EXD2: variants seen among roughly 807,000 people sequenced by gnomAD.
EXD2 encodes exonuclease 3'-5' domain-containing protein 2.
In EXD2, 40 loss-of-function variants were observed where a neutral mutation model predicts 62.5. That is an observed-to-expected ratio of 0.64 (90% CI 0.50 to 0.83). The LOEUF (loss-of-function observed/expected upper bound fraction) is 0.83, where lower values mean the gene tolerates loss of function less well. Among genes scored for constraint, EXD2 ranks in the 40% least tolerant of loss-of-function variants. The pLI, the probability that EXD2 is intolerant of heterozygous loss-of-function variation, is 0.00. For synonymous variants in EXD2, 239 were observed against 291.9 expected (o/e 0.82, Z 1.85); for missense variants, 671 against 761.8 (o/e 0.88, Z 1.40).
chr14:69,216,618 C>G (rs921622771), intron 3 of EXD2, among the ~76,000 whole-genome samples: 1 of 151,966 alleles, frequency 6.6e-6, no homozygotes, highest in African/African-American at 2.4e-5. Flanking sequence ...GTTTTAGAAT[C>G]AATTTTCAGG....
At chr14:69,214,973 T>G (rs1399951228) in intron 3 of EXD2, among the ~76,000 whole-genome samples, 3 of 151,100 alleles carry the variant, frequency 2.0e-5, no homozygotes, top group African/African-American at 7.3e-5. Flanking sequence ...TGATGGACAT[T>G]TATATATATA....
Position 69,211,927 on chromosome 14 carries a change from A to G in EXD2, c.333+2124A>G, listed in dbSNP as rs114680670. On this transcript the variant is annotated intron_variant, in intron 3 of 9. Coordinates refer to ENST00000685843, the MANE Select transcript of EXD2 (RefSeq NM_001193360.2). ...AATAATCTAACCCCACCTCATTTTG[A>G]CTTTTGATGTGTATTAAACTCAGGT... 9.5e-3 allele frequency among the ~76,000 whole-genome samples: 1,449 copies of G among 152,272 alleles called. 25 individuals are homozygous for G. The highest frequency in any genetic ancestry group is 0.033 in the African/African-American group (1,390 of 41,542).
intron 1 of EXD2, among the ~76,000 whole-genome samples, chr14:69,199,009 T>C (rs1474235114): frequency 6.6e-6 from 1 of 152,234 alleles, no homozygotes; most frequent in Non-Finnish European, 1.5e-5. Context: ...TTTGGGAGGC[T>C]GAGGCGGGCA....
intron 4 of EXD2, 89 bp downstream of exon 4, chr14:69,229,161 C>A: frequency 1.3e-6 from 2 of 1,517,936 alleles, no homozygotes; most frequent in Non-Finnish European, 1.8e-6. Flanking sequence ...AATAGTGAGA[C>A]ATGTGAAATT....
intron 4 of EXD2, among the ~76,000 whole-genome samples, chr14:69,229,525 G>A (rs1156403352): frequency 6.6e-6 from 1 of 152,158 alleles, no homozygotes; most frequent in Non-Finnish European, 1.5e-5. Context: ...CTTTAGATGA[G>A]CGTGCTCTGT....
At position 69,237,691 on chromosome 14, in the gene EXD2, A is replaced by G. The variant is rs1566842789; in HGVS notation, c.1409A>G (p.Asp470Gly). Residue 470 changes from aspartate (D) to glycine (G), a missense_variant, in exon 9 of 10, where the codon GAC (aspartate) becomes GGC (glycine). By Grantham distance (94) the Asp-to-Gly change is moderately conservative. Transcript: ENST00000685843. ...TSCHAISNYY[D>G]NHLKQQLAKE... ...TGCCATGCCATTTCCAACTACTATG[A>G]CAACCATCTGAAGCAGCAGCTGGCC... 2 of 1,614,074 alleles carry G rather than the reference A, an allele frequency of 1.2e-6. No homozygotes were observed. The highest frequency in any genetic ancestry group is 1.7e-6 in the Non-Finnish European group (2 of 1,180,042).
At chr14:69,209,841 A>AC in intron 3 of EXD2, 38 bp downstream of exon 3, 1 of 1,379,736 alleles carries the variant, frequency 7.2e-7, no homozygotes, top group Non-Finnish European at 9.6e-7. Flanking sequence ...AAAAAAAAAA[A>AC]ACAACTTCTG....
intron 9 of EXD2, 30 bp downstream of exon 9, chr14:69,237,961 C>A: frequency 2.0e-6 from 3 of 1,516,700 alleles, no homozygotes; most frequent in South Asian, 1.3e-5. Context: ...TGGAATGTAC[C>A]AGGGACATTA....
rs904385756 is a variant in EXD2, at chr14:69,215,341, A to C, written c.333+5538A>C. Among the ~76,000 whole-genome samples, 4 of 139,208 alleles carry C rather than the reference A, an allele frequency of 2.9e-5. No individual in the cohort carries two copies. In the East Asian group the frequency reaches 8.0e-4, roughly 28 times the overall value. The allele number at this position is 139,208 out of a possible 152,430, so 91.3% of individuals were successfully genotyped here. On this transcript the variant is annotated intron_variant, in intron 3 of 9. Transcript: ENST00000685843. ...GTGTGTGTGTGTGTGTGTATAATAC[A>C]ATATATCATTTACATTTGGGGGCTC...
intron 1 of EXD2, among the ~76,000 whole-genome samples, chr14:69,196,476 T>C (rs1265792472): frequency 1.3e-5 from 2 of 152,218 alleles, no homozygotes; most frequent in South Asian, 2.1e-4. Flanking sequence ...AGTACGGACA[T>C]GTGTTTTCAT....
At chr14:69,205,417 AATTC>A (rs1407808207) in intron 2 of EXD2, among the ~76,000 whole-genome samples, 1 of 151,698 alleles carries the variant, frequency 6.6e-6, no homozygotes, top group Admixed American at 6.6e-5. Context: ...TTTTTTCTTC[AATTC>A]ATTAACTCTT....
rs1594784411 is a variant in EXD2, at chr14:69,237,494, A to ACCCCAGTAGCCTGTCTGCTGTCTT, written c.1293-77_1293-54dup. On this transcript the variant is annotated intron_variant, in intron 8 of 9. Coordinates refer to ENST00000685843, the MANE Select transcript of EXD2 (RefSeq NM_001193360.2). ...CAGTCATGGTTAGGCCCCAGTTAGA[A>ACCCCAGTAGCCTGTCTGCTGTCTT]CCCCAGTAGCCTGTCTGCTGTCTTC... 3.8e-6 allele frequency: 5 copies of ACCCCAGTAGCCTGTCTGCTGTCTT among 1,329,122 alleles called. No homozygotes were observed. In the East Asian group the frequency reaches 1.1e-4, roughly 31 times the overall value. The allele number at this position is 1,329,122 out of a possible 1,614,324, so 82.3% of individuals were successfully genotyped here.
chr14:69,235,800 CCCTAATGT>C (rs1282406617), intron 6 of EXD2: 2 of 500,580 alleles, frequency 4.0e-6, no homozygotes, highest in Non-Finnish European at 7.3e-6. Context: ...TTGACACACT[CCCTAATGT>C]CCTAGTCCAT....
chr14:69,209,478 G>A lies in EXD2; in HGVS notation c.8G>A (p.Arg3Lys). 6.5e-7 allele frequency: 1 copy of A among 1,533,798 alleles called. No homozygotes were observed. The highest frequency in any genetic ancestry group is 2.5e-5 in the East Asian group (1 of 40,764). ...AGAGTAGAAAAGTCGAAGATGTCTA[G>A]ACAGAACTTAGTGGCTTTGACAGTG... MS[R>K]QNLVALTVTT... is the part of the protein sequence containing the mutation. Residue 3 changes from arginine (R) to lysine (K), a missense_variant, in exon 3 of 10, where the codon AGA becomes AAA. Physicochemically the swap from Arg to Lys is conservative, Grantham distance 26. Transcript: ENST00000685843.
At position 69,241,358 on chromosome 14, in the gene EXD2, A is replaced by G; in HGVS notation, c.*258A>G. 2 of 424,358 alleles carry G rather than the reference A, an allele frequency of 4.7e-6. No individual in the cohort carries two copies. Among genetic ancestry groups the G allele is most frequent in the South Asian group, 9.4e-5 (2 of 21,316 alleles). The allele number at this position is 424,358 out of a possible 1,614,324, so 26.3% of individuals were successfully genotyped here. ...AAGAGAGGCCTTCGCCTTTATTTTTACTCTCCCTCTTCTGCTGTCCCTGTG... is the reference window on the plus strand; with the variant it reads ...AAGAGAGGCCTTCGCCTTTATTTTTGCTCTCCCTCTTCTGCTGTCCCTGTG... On this transcript the variant is annotated 3_prime_UTR_variant, in exon 10 of 10. Transcript: ENST00000685843.
chr14:69,240,753 C>G (rs747384532), intron 9 of EXD2, 131 bp from the exon 10 acceptor site: 11 of 686,828 alleles, frequency 1.6e-5, no homozygotes, highest in Non-Finnish European at 2.7e-5. Flanking sequence ...GTTTCGAAAA[C>G]ACCAAAGTAA....
intron 3 of EXD2, among the ~76,000 whole-genome samples, chr14:69,224,646 TTG>T (rs1377761871): frequency 6.6e-6 from 1 of 152,160 alleles, no homozygotes; most frequent in East Asian, 1.9e-4. Flanking sequence ...GCAAATTAGA[TTG>T]TGTCAGTCCT....
chr14:69,209,760 G>A lies in EXD2; in HGVS notation c.290G>A (p.Ser97Asn). ...GATCAAATCGAGCCCTTGCTTAGAA[G>A]TGAATTAGAAGATTTTCCAGTACTT... is the stretch of plus-strand genomic sequence containing the variant. ...EWDQIEPLLR[S>N]ELEDFPVLGI... is the part of the protein sequence containing the mutation. Residue 97 changes from serine (S) to asparagine (N), a missense_variant, in exon 3 of 10, where the codon AGT becomes AAT. Physicochemically the swap from Ser to Asn is conservative, Grantham distance 46 (BLOSUM62 1). Transcript: ENST00000685843. 6.6e-7 allele frequency: 1 copy of A among 1,513,802 alleles called. No individual in the cohort carries two copies. Among genetic ancestry groups the A allele is most frequent in the Non-Finnish European group, 8.9e-7 (1 of 1,128,068 alleles). 93.8% of individuals were successfully genotyped at this position (1,513,802 alleles called of 1,614,324 possible). A position where few individuals can be genotyped will look rare whatever the true frequency, so the allele number is the denominator to read the frequency against.
chr14:69,228,352 C>T (rs917785961), intron 3 of EXD2, among the ~76,000 whole-genome samples: 1 of 152,076 alleles, frequency 6.6e-6, no homozygotes, highest in East Asian at 1.9e-4. Context: ...CCACCATGCC[C>T]AGCTAATTTT....
Sources: gnomAD v4.1 joint callset for allele counts (sites outside exome capture counted in the v4.1 genomes callset) on GRCh38, gnomAD v4.1.1 for gene constraint, MANE v1.5 for transcripts, NCBI Gene and HGNC (gene_info 2026-07-23, HGNC 2026-07-21) for gene names.